CDH9: variants seen among roughly 807,000 people sequenced by gnomAD.
CDH9 encodes the protein cadherin 9.
Under a neutral mutation model 70.9 loss-of-function variants are expected in CDH9, and 28 were observed. The ratio of observed to expected loss-of-function variants is 0.40; its 90% CI spans 0.29 to 0.54. CDH9 has a LOEUF of 0.54. CDH9 is among the 20% of genes least tolerant of loss of function. The pLI, the probability that CDH9 is intolerant of heterozygous loss-of-function variation, is 0.59. For missense variants in CDH9, 874 were observed against 984.4 expected (o/e 0.89, Z 1.50); for synonymous variants, 409 against 343.1 (o/e 1.19, Z -2.12).
In CDH9 at chr5:27,036,257, T is replaced by C. The variant is rs147933512; in HGVS notation, c.-50+2206A>G. 1.3e-3 allele frequency among the ~76,000 whole-genome samples: 190 copies of C among 151,964 alleles called. 2 individuals are homozygous for C. Among genetic ancestry groups the C allele is most frequent in the African/African-American group, 4.3e-3 (179 of 41,532 alleles). On this transcript the variant is annotated intron_variant, in intron 1 of 11. Transcript: ENST00000231021. ...AATGTACCATGGACGGGACACTGCA[T>C]TGGCTAAGCTTGGCATGTATAGGGG... is the stretch of plus-strand genomic sequence containing the variant.
chr5:26,963,164 G>T (rs1403930414), intron 2 of CDH9, among the ~76,000 whole-genome samples: 1 of 152,056 alleles, frequency 6.6e-6, no homozygotes, highest in Non-Finnish European at 1.5e-5. Flanking sequence ...TAGAAATAAC[G>T]GTAATAAAAC....
chr5:26,964,633 C>CT lies in CDH9; in HGVS notation c.228+23472dup, dbSNP rs531371902. ...ACTATGAGTGCATTATCTTGAAGCC[C>CT]TTTTTTTAATTGTTATACTTTAAGT... On this transcript the variant is annotated intron_variant, in intron 2 of 11. Transcript: ENST00000231021. 3.9e-5 allele frequency among the ~76,000 whole-genome samples: 6 copies of CT among 152,124 alleles called. No homozygotes were observed. The South Asian group carries it at 1.0e-3, about 26-fold the overall frequency.
rs1197909443 is a variant in CDH9 at position 26,988,312 on chromosome 5, G to T, written c.22C>A (p.Pro8Thr). 6.2e-7 allele frequency: 1 copy of T among 1,612,754 alleles called. No individual in the cohort carries two copies. Among genetic ancestry groups the T allele is most frequent in the South Asian group, 1.1e-5 (1 of 91,028 alleles). The part of the protein sequence containing the change: MRTYHYI[P>T]LFIWTYMFHT... ...AACATATAGGTCCAGATGAATAATG[G>T]TATATAATGGTAAGTCCTCATTATC... The change falls in exon 2 of 12, where the codon CCA becomes ACA. Residue 8 changes from proline to threonine, a missense_variant. Physicochemically the swap from Pro to Thr is conservative, Grantham distance 38. Transcript: ENST00000231021.
intron 11 of CDH9, among the ~76,000 whole-genome samples, chr5:26,882,618 C>T (rs1740485748): frequency 6.6e-6 from 1 of 151,948 alleles, no homozygotes; most frequent in Non-Finnish European, 1.5e-5. Context: ...AAGCCCATAG[C>T]TTTACATATA....
intron 6 of CDH9, 146 bp downstream of exon 6, chr5:26,903,491 A>T (rs751112064): frequency 1.4e-6 from 1 of 736,622 alleles, no homozygotes; most frequent in South Asian, 1.4e-5. Flanking sequence ...GCTTGAAGTG[A>T]TATCACAACT....
At position 26,906,177 on chromosome 5, in the gene CDH9, A is replaced by T. The variant is rs534408194; in HGVS notation, c.644-51T>A. 4.1e-4 allele frequency: 616 copies of T among 1,510,108 alleles called. 5 individuals are homozygous for T. In the South Asian group the frequency reaches 6.9e-3, roughly 17 times the overall value. 93.5% of individuals were successfully genotyped at this position (1,510,108 alleles called of 1,614,324 possible). Reference sequence around the variant, plus strand: ...TTGCAATTAAATCGCTGAGTTTTAAAATTAAGCTAGACAAGACTCATTTTA... The same window carrying T: ...TTGCAATTAAATCGCTGAGTTTTAATATTAAGCTAGACAAGACTCATTTTA... On this transcript the variant is annotated intron_variant, in intron 4 of 11. Coordinates refer to ENST00000231021, the MANE Select transcript of CDH9 (RefSeq NM_016279.4).
intron 7 of CDH9, among the ~76,000 whole-genome samples, chr5:26,892,873 G>A (rs576165037): frequency 1.1e-3 from 174 of 152,178 alleles, no homozygotes; most frequent in Non-Finnish European, 2.0e-3. Flanking sequence ...TGGAACTACA[G>A]GCGCCCACCA....
intron 1 of CDH9, among the ~76,000 whole-genome samples, chr5:27,030,613 GAGA>G (rs1337084120): frequency 6.6e-6 from 1 of 151,402 alleles, no homozygotes; most frequent in Non-Finnish European, 1.5e-5. Flanking sequence ...TTATTGCAAG[GAGA>G]AGACTTAACT....
chr5:26,945,395 C>T (rs530544101), intron 2 of CDH9, among the ~76,000 whole-genome samples: 6 of 151,878 alleles, frequency 4.0e-5, no homozygotes, highest in Non-Finnish European at 7.4e-5. Flanking sequence ...TTCAAAAAGG[C>T]TAATCTTCAT....
chr5:26,925,524 C>A (rs1741321921), intron 2 of CDH9, among the ~76,000 whole-genome samples: 1 of 152,026 alleles, frequency 6.6e-6, no homozygotes, highest in Non-Finnish European at 1.5e-5. Flanking sequence ...ATGGTAGTTT[C>A]TTGGGCTATA....
intron 1 of CDH9, among the ~76,000 whole-genome samples, chr5:27,024,446 G>A (rs1183675602): frequency 6.6e-6 from 1 of 151,970 alleles, no homozygotes; most frequent in Non-Finnish European, 1.5e-5. Context: ...TTATTTGGAG[G>A]TATAATTATG....
At chr5:27,034,564 T>TA (rs1360325007) in intron 1 of CDH9, among the ~76,000 whole-genome samples, 2 of 151,332 alleles carry the variant, frequency 1.3e-5, no homozygotes, top group Admixed American at 6.6e-5. Context: ...AATAAATAAA[T>TA]AATACATCTC....
At chr5:27,005,801 T>A (rs756200428) in intron 1 of CDH9, among the ~76,000 whole-genome samples, 92 of 151,880 alleles carry the variant, frequency 6.1e-4, no homozygotes, top group Non-Finnish European at 1.2e-3. Context: ...TAAAAAAAAA[T>A]TGTGGTACAT....
chr5:27,022,925 T>A (rs1356786247), intron 1 of CDH9, among the ~76,000 whole-genome samples: 1 of 151,730 alleles, frequency 6.6e-6, no homozygotes, highest in Non-Finnish European at 1.5e-5. Flanking sequence ...GTAGTTCAGT[T>A]ATTTGTATTG....
intron 1 of CDH9, among the ~76,000 whole-genome samples, chr5:27,015,286 T>C (rs961488835): frequency 6.6e-6 from 1 of 151,756 alleles, no homozygotes; most frequent in Admixed American, 6.6e-5. Flanking sequence ...AATGATCGTG[T>C]TCTCACTATT....
chr5:26,954,905 T>C (rs1741918602), intron 2 of CDH9, among the ~76,000 whole-genome samples: 2 of 152,184 alleles, frequency 1.3e-5, no homozygotes, highest in Non-Finnish European at 2.9e-5. Context: ...TGGTGGCTTA[T>C]ACCTGTAATC....
At chr5:26,992,095 T>G (rs1230418837) in intron 1 of CDH9, among the ~76,000 whole-genome samples, 2 of 152,134 alleles carry the variant, frequency 1.3e-5, no homozygotes, top group African/African-American at 4.8e-5. Context: ...GCACGCAACC[T>G]AGATCCCTTG....
chr5:26,963,047 A>G (rs951656053), intron 2 of CDH9, among the ~76,000 whole-genome samples: 1 of 152,236 alleles, frequency 6.6e-6, no homozygotes, highest in African/African-American at 2.4e-5. Context: ...ATGTTAAAAA[A>G]TAACCCATGT....
intron 1 of CDH9, among the ~76,000 whole-genome samples, chr5:26,994,136 T>C (rs1283607913): frequency 6.6e-6 from 1 of 152,146 alleles, no homozygotes; most frequent in African/African-American, 2.4e-5. Flanking sequence ...TATCAGTGGT[T>C]CATATGTAGA....
Sources: gnomAD v4.1 joint callset for allele counts (sites outside exome capture counted in the v4.1 genomes callset) on GRCh38, gnomAD v4.1.1 for gene constraint, MANE v1.5 for transcripts, NCBI Gene and HGNC (gene_info 2026-07-23, HGNC 2026-07-21) for gene names.